The following TRIP12 variants were observed in gnomAD, a reference collection of about 807,000 sequenced individuals.
The protein encoded by TRIP12 is thyroid hormone receptor interactor 12.
In TRIP12, 25 loss-of-function variants were observed where a neutral mutation model predicts 244.2. That is an observed-to-expected ratio of 0.10 (90% CI 0.07 to 0.14). TRIP12 has a LOEUF of 0.14. TRIP12 is among the 10% of genes least tolerant of loss of function. TRIP12 has a pLI of 1.00. For synonymous variants in TRIP12, 905 were observed against 873.1 expected, an observed-to-expected ratio of 1.04 and a Z score of -0.64; for missense variants, 1,677 against 2,486.4, an observed-to-expected ratio of 0.67 and a Z score of 6.92.
rs1176934211 is a variant in TRIP12, at chr2:229,766,289, CCCGAATCATGGAGATATGTGGATTT to C, written c.*1240_*1264del. 1 of 152,056 alleles carries C rather than the reference CCCGAATCATGGAGATATGTGGATTT, an allele frequency of 6.6e-6. No individual in the cohort carries two copies. Among genetic ancestry groups the C allele is most frequent in the Non-Finnish European group, 1.5e-5 (1 of 68,030 alleles). The allele number at this position is 152,056 out of a possible 1,614,324, so 9.4% of individuals were successfully genotyped here. On this transcript the variant is annotated 3_prime_UTR_variant, in exon 42 of 42. Coordinates refer to ENST00000675903, the MANE Select transcript of TRIP12 (RefSeq NM_001348323.3). ...GTTTGAATAGCAAAATCAGCCATGA[CCCGAATCATGGAGATATGTGGATTT>C]CCTTGCATTGAAATACATCTATACA... is the stretch of plus-strand genomic sequence containing the variant.
At chr2:229,771,710 G>A (rs2034406001) in intron 38 of TRIP12, 78 bp from the exon 39 acceptor site, 1 of 998,380 alleles carries the variant, frequency 1.0e-6, no homozygotes, top group Admixed American at 1.9e-5. Context: ...AAAGTACAGT[G>A]AAACACCCTT....
chr2:229,894,844 T>C (rs2068351222), intron 1 of TRIP12, among the ~76,000 whole-genome samples: 1 of 152,152 alleles, frequency 6.6e-6, no homozygotes, highest in African/African-American at 2.4e-5. Flanking sequence ...GAACTTGAGG[T>C]GCCATGTTTC....
At chr2:229,768,794 CAT>C (rs1416312629) in intron 40 of TRIP12, 75 bp from the exon 41 acceptor site, 23 of 1,320,500 alleles carry the variant, frequency 1.7e-5, no homozygotes, top group South Asian at 4.3e-5. Context: ...CATCGCATCA[CAT>C]GACATAAAAA....
At chr2:229,891,850 A>G (rs1224786929) in intron 1 of TRIP12, among the ~76,000 whole-genome samples, 1 of 152,218 alleles carries the variant, frequency 6.6e-6, no homozygotes, top group African/African-American at 2.4e-5. Context: ...TGCACAAGTA[A>G]GCAAGGATGT....
chr2:229,919,657 A>G (rs941562129), intron 1 of TRIP12, among the ~76,000 whole-genome samples: 1 of 152,228 alleles, frequency 6.6e-6, no homozygotes, highest in Non-Finnish European at 1.5e-5. Flanking sequence ...ACTCAAACTA[A>G]GTAGTATAAA....
intron 6 of TRIP12, among the ~76,000 whole-genome samples, chr2:229,832,465 T>C (rs2053697784): frequency 6.6e-6 from 1 of 152,170 alleles, no homozygotes; most frequent in Non-Finnish European, 1.5e-5. Context: ...ATACTGAAGT[T>C]GTATAAAGGC....
Position 229,797,732 on chromosome 2 carries a change from G to A in TRIP12, c.3582C>T (p.Val1194=). 1.2e-6 allele frequency: 2 copies of A among 1,613,858 alleles called. No homozygotes were observed. Among genetic ancestry groups the A allele is most frequent in the Admixed American group, 3.3e-5 (2 of 59,994 alleles). ...CGGTTGCAGCACAAAGTCTCTGAAG[G>A]ACATTCAATGCAGGGTTGCTTCCAT... ...NMDGSNPALN[V]LQRLCAATEQ... is the part of the protein sequence containing the mutation. Residue 1194 remains valine (V), a synonymous_variant, in exon 24 of 42, where the codon GTC becomes GTT. Transcript: ENST00000675903.
chr2:229,901,748 A>G (rs2070936765), intron 1 of TRIP12, among the ~76,000 whole-genome samples: 1 of 152,184 alleles, frequency 6.6e-6, no homozygotes, highest in Admixed American at 6.5e-5. Flanking sequence ...CAGGGTCGGC[A>G]GACAAATAGC....
chr2:229,883,846 T>C (rs1215355239), intron 1 of TRIP12, among the ~76,000 whole-genome samples: 1 of 152,132 alleles, frequency 6.6e-6, no homozygotes, highest in African/African-American at 2.4e-5. Context: ...AAATACCACA[T>C]AGAGAAACAA....
At chr2:229,902,679 A>G (rs987679803) in intron 1 of TRIP12, among the ~76,000 whole-genome samples, 1 of 152,166 alleles carries the variant, frequency 6.6e-6, no homozygotes, top group Non-Finnish European at 1.5e-5. Context: ...ATGGGTATTA[A>G]TTTTGTGAAT....
chr2:229,849,655 G>T (rs556073670), intron 4 of TRIP12, among the ~76,000 whole-genome samples: 1 of 151,932 alleles, frequency 6.6e-6, no homozygotes, highest in African/African-American at 2.4e-5. Context: ...TTGAGTCCAG[G>T]AGTTTGAGAC....
Position 229,783,174 on chromosome 2 carries a change from G to A in TRIP12, c.5094+2583C>T, listed in dbSNP as rs574477638. ...GGAATAACTTGTATCAATTTTAAGCGATTAAAAATAATTTGAATAGTATTT... is the reference window on the plus strand; with the variant it reads ...GGAATAACTTGTATCAATTTTAAGCAATTAAAAATAATTTGAATAGTATTT... On this transcript the variant is annotated intron_variant, in intron 34 of 41. Coordinates refer to ENST00000675903, the MANE Select transcript of TRIP12 (RefSeq NM_001348323.3). Among the ~76,000 whole-genome samples the A allele has an allele frequency of 1.6e-4, 24 of 152,284 alleles. 1 individual carries two copies. In the Middle Eastern group the frequency reaches 0.01, roughly 65 times the overall value.
chr2:229,816,617 T>C (rs985263093), intron 9 of TRIP12, among the ~76,000 whole-genome samples: 6 of 152,206 alleles, frequency 3.9e-5, no homozygotes, highest in Admixed American at 3.3e-4. Flanking sequence ...AGCGAGAGCA[T>C]ACTTGTGCAA....
At chr2:229,789,992 T>C (rs186821682) in intron 30 of TRIP12, among the ~76,000 whole-genome samples, 156 of 152,346 alleles carry the variant, frequency 1.0e-3, no homozygotes, top group African/African-American at 3.5e-3. Context: ...ATAAACATTA[T>C]AATGCAGGAA....
chr2:229,767,055 G>T lies in TRIP12; in HGVS notation c.*499C>A, dbSNP rs1428547133. On this transcript the variant is annotated 3_prime_UTR_variant, in exon 42 of 42. Coordinates refer to ENST00000675903, the MANE Select transcript of TRIP12 (RefSeq NM_001348323.3). The stretch of plus-strand genomic sequence containing the variant: ...TGCACAGATAATAATGAATCAGGGA[G>T]AGAAAATCAGAGGAAAGTGAAAAGC... 1 of 152,442 alleles carries T rather than the reference G, an allele frequency of 6.6e-6. No individual in the cohort carries two copies. Among genetic ancestry groups the T allele is most frequent in the Non-Finnish European group, 1.5e-5 (1 of 68,234 alleles). 9.4% of individuals were successfully genotyped at this position (152,442 alleles called of 1,614,324 possible).
chr2:229,919,572 C>T (rs927620622), intron 1 of TRIP12, among the ~76,000 whole-genome samples: 1 of 151,938 alleles, frequency 6.6e-6, no homozygotes, highest in Non-Finnish European at 1.5e-5. Context: ...CCTTCTGGAA[C>T]CTAACTGCCA....
intron 34 of TRIP12, among the ~76,000 whole-genome samples, chr2:229,783,320 T>C (rs1227226106): frequency 2.0e-5 from 3 of 152,230 alleles, no homozygotes; most frequent in African/African-American, 7.2e-5. Flanking sequence ...AAGTGAGTAG[T>C]TGTGATGGAG....
chr2:229,818,348 A>C lies in TRIP12; in HGVS notation c.1599+16T>G. On this transcript the variant is annotated intron_variant, in intron 9 of 41. Transcript: ENST00000675903. ...GGACAAATGAGGTAAAAACGAGGGA[A>C]AAACATTATGCTTACCAAAGCTGGA... 1 of 1,611,792 alleles carries C rather than the reference A, an allele frequency of 6.2e-7. No individual in the cohort carries two copies.
intron 8 of TRIP12, among the ~76,000 whole-genome samples, chr2:229,826,909 A>T (rs1410973565): frequency 6.6e-6 from 1 of 152,172 alleles, no homozygotes; most frequent in Non-Finnish European, 1.5e-5. Context: ...TGAGTGTGAA[A>T]GCCTAGACTA....
Sources: gnomAD v4.1 joint callset for allele counts (sites outside exome capture counted in the v4.1 genomes callset) on GRCh38, gnomAD v4.1.1 for gene constraint, MANE v1.5 for transcripts, NCBI Gene and HGNC (gene_info 2026-07-23, HGNC 2026-07-21) for gene names.